Variants in SERPINI1 observed in about 807,000 individuals in gnomAD.
SERPINI1 encodes serpin family I member 1, also known as neuroserpin.
A neutral mutation model predicts 41.1 loss-of-function variants in SERPINI1; 19 were observed. That is an observed-to-expected ratio of 0.46 (90% CI 0.32 to 0.68). The LOEUF (loss-of-function observed/expected upper bound fraction) is 0.68, where lower values mean the gene tolerates loss of function less well. Among genes scored for constraint, SERPINI1 ranks in the 30% least tolerant of loss-of-function variants. The probability of loss-of-function intolerance (pLI) is 0.03; values close to 1 mark genes in which losing one functional copy is unlikely to be tolerated. For missense variants in SERPINI1, 460 were observed against 479.2 expected (o/e 0.96, Z 0.37); for synonymous variants, 138 against 156.6 (o/e 0.88, Z 0.89).
intron 1 of SERPINI1, among the ~76,000 whole-genome samples, chr3:167,767,153 T>C (rs898122465): frequency 2.6e-4 from 39 of 152,342 alleles, no homozygotes; most frequent in African/African-American, 9.1e-4. Flanking sequence ...CAGCTGGTGA[T>C]TTTAAGTTGG....
At chr3:167,802,215 G>T (rs1195448483) in intron 5 of SERPINI1, among the ~76,000 whole-genome samples, 1 of 151,994 alleles carries the variant, frequency 6.6e-6, no homozygotes, top group Non-Finnish European at 1.5e-5. Context: ...CATAGGCATG[G>T]GCAAGGACTT....
intron 5 of SERPINI1, among the ~76,000 whole-genome samples, chr3:167,804,126 A>G (rs1711542674): frequency 6.6e-6 from 1 of 152,188 alleles, no homozygotes; most frequent in Non-Finnish European, 1.5e-5. Flanking sequence ...CTACTTCACA[A>G]TCAATACCTG....
chr3:167,753,876 C>T (rs897807102), intron 1 of SERPINI1, among the ~76,000 whole-genome samples: 1 of 152,178 alleles, frequency 6.6e-6, no homozygotes, highest in Admixed American at 6.5e-5. Context: ...ATGCTACTGT[C>T]TCTCTTCTGG....
chr3:167,771,241 AT>A (rs1244544092), intron 1 of SERPINI1, among the ~76,000 whole-genome samples: 1 of 152,190 alleles, frequency 6.6e-6, no homozygotes, highest in Non-Finnish European at 1.5e-5. Context: ...TTGTGGCATT[AT>A]TTATGTAGTA....
chr3:167,779,293 G>GT (rs1212504419), intron 1 of SERPINI1, among the ~76,000 whole-genome samples: 2 of 152,054 alleles, frequency 1.3e-5, no homozygotes, highest in Admixed American at 6.6e-5. Flanking sequence ...ACATATCAAA[G>GT]TTTTTTTAGC....
intron 1 of SERPINI1, among the ~76,000 whole-genome samples, chr3:167,779,487 T>C (rs1727054893): frequency 6.6e-6 from 1 of 152,220 alleles, no homozygotes; most frequent in East Asian, 1.9e-4. Context: ...TGCATTATTA[T>C]GGACTAGAAT....
intron 6 of SERPINI1, among the ~76,000 whole-genome samples, chr3:167,813,053 G>T (rs925303162): frequency 5.9e-5 from 9 of 152,120 alleles, no homozygotes; most frequent in Admixed American, 1.3e-4. Flanking sequence ...TAAAATAAAG[G>T]AATTAAGAAG....
chr3:167,814,057 C>T (rs1309578837), intron 6 of SERPINI1, among the ~76,000 whole-genome samples: 2 of 152,192 alleles, frequency 1.3e-5, no homozygotes, highest in Admixed American at 1.3e-4. Flanking sequence ...TGAGACCCAC[C>T]TTTCTGAATA....
intron 1 of SERPINI1, among the ~76,000 whole-genome samples, chr3:167,750,731 T>A (rs1726016296): frequency 6.6e-6 from 1 of 152,184 alleles, no homozygotes; most frequent in Non-Finnish European, 1.5e-5. Context: ...TAGAAAATCA[T>A]ATAGGTTATT....
intron 5 of SERPINI1, among the ~76,000 whole-genome samples, chr3:167,803,240 A>G (rs1012061463): frequency 8.6e-5 from 13 of 151,892 alleles, no homozygotes; most frequent in African/African-American, 3.1e-4. Context: ...ACTAACCTGC[A>G]CATTGTGCAC....
At chr3:167,769,294 A>G (rs1159417379) in intron 1 of SERPINI1, among the ~76,000 whole-genome samples, 3 of 152,058 alleles carry the variant, frequency 2.0e-5, no homozygotes, top group African/African-American at 7.2e-5. Flanking sequence ...GCCTGGCCCT[A>G]ATTTTGTTCT....
chr3:167,772,862 C>A (rs71627211), intron 1 of SERPINI1, among the ~76,000 whole-genome samples: 340 of 23,296 alleles, frequency 0.015, no homozygotes, highest in Non-Finnish European at 0.018. Flanking sequence ...CTCTCTCTCT[C>A]TCTATATATA....
At chr3:167,784,325 C>T (rs569081396) in intron 1 of SERPINI1, among the ~76,000 whole-genome samples, 2 of 152,276 alleles carry the variant, frequency 1.3e-5, no homozygotes, top group South Asian at 4.1e-4. Context: ...TAATTGTACA[C>T]TCTTGCAAAT....
chr3:167,805,662 T>C (rs1412546642), intron 5 of SERPINI1, among the ~76,000 whole-genome samples: 1 of 152,232 alleles, frequency 6.6e-6, no homozygotes, highest in Non-Finnish European at 1.5e-5. Flanking sequence ...CTAGGATTTT[T>C]ATGGTTTTAG....
Position 167,768,002 on chromosome 3 carries a change from A to G in SERPINI1, c.-18-21109A>G, listed in dbSNP as rs565873996. On this transcript the variant is annotated intron_variant, in intron 1 of 8. Coordinates refer to ENST00000446050, the MANE Select transcript of SERPINI1 (RefSeq NM_001122752.2). Reference sequence around the variant, plus strand: ...ATTACAAAAACTCAGTTGATAAAGCAATGGTAGGGTTTGAGAGGACTGAAT... The same window carrying G: ...ATTACAAAAACTCAGTTGATAAAGCGATGGTAGGGTTTGAGAGGACTGAAT... Among the ~76,000 whole-genome samples the G allele has an allele frequency of 3.3e-5, 5 of 152,336 alleles. No homozygotes were observed. The East Asian group carries it at 5.8e-4, about 18-fold the overall frequency.
chr3:167,806,886 G>C (rs1711664584), intron 5 of SERPINI1, among the ~76,000 whole-genome samples: 2 of 151,646 alleles, frequency 1.3e-5, no homozygotes, highest in African/African-American at 4.8e-5. Flanking sequence ...TTACTACTAG[G>C]TCAAAGGATT....
rs61750375 is a variant in SERPINI1, at chr3:167,790,410, G to T, written c.289G>T (p.Val97Leu). 1 of 1,613,822 alleles carries T rather than the reference G, an allele frequency of 6.2e-7. No homozygotes were observed. The highest frequency in any genetic ancestry group is 8.5e-7 in the Non-Finnish European group (1 of 1,179,808). ...FSFLKEFSNMVTAKESQYVMK... is the reference protein window; with the variant it reads ...FSFLKEFSNMLTAKESQYVMK... ...TTTCTTGAAGGAGTTTTCAAACATG[G>T]TAACTGCTAAAGAGAGCCAATATGT... is the stretch of plus-strand genomic sequence containing the variant. The change falls in exon 3 of 9, where the codon GTA (valine) becomes TTA (leucine). Residue 97 changes from valine to leucine, a missense_variant. Transcript: ENST00000446050.
intron 1 of SERPINI1, among the ~76,000 whole-genome samples, chr3:167,765,181 T>C (rs1726519440): frequency 6.6e-6 from 1 of 152,192 alleles, no homozygotes; most frequent in South Asian, 2.1e-4. Context: ...GTGTGGAGGC[T>C]CCAACCCCAC....
chr3:167,758,607 T>TA (rs1194236708), intron 1 of SERPINI1, among the ~76,000 whole-genome samples: 2 of 152,170 alleles, frequency 1.3e-5, no homozygotes, highest in African/African-American at 4.8e-5. Flanking sequence ...TGTATAACCT[T>TA]AAAGTATCCA....
Sources: allele counts gnomAD v4.1 joint callset (sites outside exome capture counted in the v4.1 genomes callset), GRCh38; gene constraint gnomAD v4.1.1; transcripts MANE v1.5; gene names NCBI Gene and HGNC (gene_info 2026-07-23, HGNC 2026-07-21).